Variants in MLIP observed in about 807,000 individuals in gnomAD.
The protein encoded by MLIP is muscular LMNA interacting protein.
MLIP carries 79 observed loss-of-function variants against 84.8 expected under a neutral mutation model. The observed-to-expected ratio is 0.93, with a 90% CI of 0.78 to 1.12. The LOEUF (loss-of-function observed/expected upper bound fraction) is 1.12. Ranked by LOEUF, MLIP falls within the 50% of genes most tolerant of loss-of-function variation. MLIP has a pLI of 0.00. For missense variants in MLIP, 1,257 were observed against 1,160.6 expected (o/e 1.08, Z -1.21); for synonymous variants, 504 against 463.0 (o/e 1.09, Z -1.14).
intron 10 of MLIP, among the ~76,000 whole-genome samples, chr6:54,195,521 C>T (rs1000727291): frequency 1.3e-5 from 2 of 152,026 alleles, no homozygotes; most frequent in African/African-American, 4.8e-5. Flanking sequence ...AGTTAATCTC[C>T]AACTTTGGTC....
At chr6:54,249,730 C>CAT (rs1344331042) in intron 12 of MLIP, among the ~76,000 whole-genome samples, 22 of 121,858 alleles carry the variant, frequency 1.8e-4, no homozygotes, top group African/African-American at 2.4e-4. Context: ...CACACACACA[C>CAT]ACACATATAT....
intron 1 of MLIP, among the ~76,000 whole-genome samples, chr6:54,036,247 T>G (rs1461693975): frequency 6.6e-6 from 1 of 151,572 alleles, no homozygotes; most frequent in South Asian, 2.1e-4. Flanking sequence ...CACTGTTTTT[T>G]TTTTTTTTTT....
intron 1 of MLIP, among the ~76,000 whole-genome samples, chr6:54,091,796 CTTG>C (rs1330095801): frequency 1.3e-5 from 2 of 152,188 alleles, no homozygotes; most frequent in Admixed American, 6.6e-5. Context: ...TATACCAACA[CTTG>C]TTGTTTCAGA....
chr6:54,249,523 G>A (rs1407596192), intron 12 of MLIP, among the ~76,000 whole-genome samples: 1 of 151,456 alleles, frequency 6.6e-6, no homozygotes, highest in Non-Finnish European at 1.5e-5. Flanking sequence ...TTTCCACATA[G>A]CATGTATTAT....
chr6:54,252,088 A>AC (rs1782622184), intron 12 of MLIP, among the ~76,000 whole-genome samples: 5 of 77,746 alleles, frequency 6.4e-5, no homozygotes, highest in African/African-American at 3.0e-4. Context: ...ATATAATATA[A>AC]ATATATATTA....
At chr6:54,168,350 A>G (rs183683967) in intron 8 of MLIP, among the ~76,000 whole-genome samples, 1 of 151,958 alleles carries the variant, frequency 6.6e-6, no homozygotes, top group East Asian at 1.9e-4. Context: ...CCTCCTTAAC[A>G]TCTAGGTGTT....
intron 10 of MLIP, among the ~76,000 whole-genome samples, chr6:54,201,622 G>A (rs1229450565): frequency 6.6e-6 from 1 of 152,120 alleles, no homozygotes; most frequent in Non-Finnish European, 1.5e-5. Context: ...AGGTCAGAAA[G>A]CCACCTCAGT....
Position 54,266,096 on chromosome 6 carries a change from A to T in MLIP, c.*141A>T. 1.7e-5 allele frequency: 13 copies of T among 775,508 alleles called. 1 individual carries two copies. In the South Asian group the frequency reaches 2.2e-4, roughly 13 times the overall value. The allele number at this position is 775,508 out of a possible 1,614,324, so 48.0% of individuals were successfully genotyped here. ...CTGCAGTGCAGCAGAACCAAAAAAA[A>T]AGTTTGCTGCAATTATATAGCATCA... On this transcript the variant is annotated 3_prime_UTR_variant, in exon 14 of 14. Transcript: ENST00000502396.
chr6:54,099,517 T>A (rs939065662), intron 1 of MLIP: 8 of 151,934 alleles, frequency 5.3e-5, no homozygotes, highest in African/African-American at 1.2e-4. Context: ...AAAAAAAAAA[T>A]ATATAGCTGT....
intron 1 of MLIP, among the ~76,000 whole-genome samples, chr6:54,111,956 C>A (rs888996408): frequency 6.6e-6 from 1 of 152,096 alleles, no homozygotes; most frequent in Non-Finnish European, 1.5e-5. Context: ...GCGTGGCATG[C>A]GGGAAAACAG....
chr6:54,240,123 A>G (rs1781634525), intron 12 of MLIP, among the ~76,000 whole-genome samples: 1 of 152,250 alleles, frequency 6.6e-6, no homozygotes, highest in African/African-American at 2.4e-5. Flanking sequence ...TTACCTGTGA[A>G]GTGACAAACA....
Position 54,066,567 on chromosome 6 carries a change from A to G in MLIP, c.63+47476A>G, listed in dbSNP as rs1766236192. On this transcript the variant is annotated intron_variant, in intron 1 of 12. Coordinates refer to the MLIP transcript ENST00000274897. ...GGGCAAGTGAACTTCTGGTATTTAGATTGCTCTGTATAGCACAATGCCAAA... is the reference window on the plus strand; with the variant it reads ...GGGCAAGTGAACTTCTGGTATTTAGGTTGCTCTGTATAGCACAATGCCAAA... 2.0e-5 allele frequency among the ~76,000 whole-genome samples: 2 copies of G among 99,406 alleles called. 1 individual carries two copies. Among genetic ancestry groups the G allele is most frequent in the Admixed American group, 1.9e-4 (2 of 10,572 alleles). 65.2% of individuals were successfully genotyped at this position (99,406 alleles called of 152,430 possible).
intron 11 of MLIP, among the ~76,000 whole-genome samples, chr6:54,230,380 C>A (rs899374977): frequency 1.3e-5 from 2 of 152,152 alleles, no homozygotes; most frequent in African/African-American, 4.8e-5. Context: ...ATGTTCCTAA[C>A]CCCAGCCCAC....
At chr6:54,083,320 C>T (rs1489362802) in intron 1 of MLIP, 6 of 593,380 alleles carry the variant, frequency 1.0e-5, no homozygotes, top group Non-Finnish European at 1.6e-5. Context: ...TCTCTTAGAA[C>T]ACTGCTAAGG....
At chr6:54,252,286 ATAT>A (rs1170427441) in intron 12 of MLIP, among the ~76,000 whole-genome samples, 1 of 116,358 alleles carries the variant, frequency 8.6e-6, no homozygotes, top group African/African-American at 3.6e-5. Context: ...TAACTATAAT[ATAT>A]TATACCATAT....
intron 1 of MLIP, among the ~76,000 whole-genome samples, chr6:54,104,158 A>G (rs1768846420): frequency 6.6e-6 from 1 of 152,150 alleles, no homozygotes; most frequent in Non-Finnish European, 1.5e-5. Context: ...ATGTAAATAT[A>G]TCAAAAGCAT....
chr6:54,034,587 G>A (rs887581696), intron 1 of MLIP, among the ~76,000 whole-genome samples: 28 of 152,150 alleles, frequency 1.8e-4, no homozygotes, highest in African/African-American at 6.3e-4. Flanking sequence ...AAAGCTTATA[G>A]ACTAAGGATA....
At chr6:54,219,031 G>A (rs1162651405) in intron 11 of MLIP, among the ~76,000 whole-genome samples, 1 of 151,082 alleles carries the variant, frequency 6.6e-6, no homozygotes, top group Non-Finnish European at 1.5e-5. Flanking sequence ...GTGAAACCCT[G>A]TCTCTACTAA....
At chr6:54,061,551 C>G (rs1765965595) in intron 1 of MLIP, among the ~76,000 whole-genome samples, 1 of 152,120 alleles carries the variant, frequency 6.6e-6, no homozygotes, top group Non-Finnish European at 1.5e-5. Flanking sequence ...AGCTTCATAC[C>G]AGGCAGCAGG....
Sources: allele counts gnomAD v4.1 joint callset (sites outside exome capture counted in the v4.1 genomes callset), GRCh38; gene constraint gnomAD v4.1.1; transcripts MANE v1.5; gene names NCBI Gene and HGNC (gene_info 2026-07-23, HGNC 2026-07-21).